The following GRM5 variants were observed in gnomAD, a reference collection of about 807,000 sequenced individuals.
GRM5 encodes the protein metabotropic glutamate receptor 5.
Under a neutral mutation model 83.1 loss-of-function variants are expected in GRM5, and 19 were observed. The observed-to-expected ratio is 0.23, with a 90% CI of 0.16 to 0.34. The LOEUF (loss-of-function observed/expected upper bound fraction) is 0.34. GRM5 is among the 10% of genes least tolerant of loss of function. The pLI is 1.00. For missense variants in GRM5, 1,160 were observed against 1,588.3 expected (o/e 0.73, Z 4.58); for synonymous variants, 675 against 633.6 (o/e 1.07, Z -0.98).
At chr11:89,003,687 T>C (rs1428526952) in intron 2 of GRM5, among the ~76,000 whole-genome samples, 1 of 152,162 alleles carries the variant, frequency 6.6e-6, no homozygotes, top group African/African-American at 2.4e-5. Flanking sequence ...CTTATTATTA[T>C]TATTTTGGAG....
intron 2 of GRM5, among the ~76,000 whole-genome samples, chr11:88,945,203 G>C (rs1352945855): frequency 6.6e-6 from 1 of 151,588 alleles, no homozygotes; most frequent in Admixed American, 6.6e-5. Context: ...GACCTCTACA[G>C]GGACAACTAC....
chr11:88,884,146 A>T (rs139070828), intron 2 of GRM5, among the ~76,000 whole-genome samples: 4 of 150,244 alleles, frequency 2.7e-5, no homozygotes, highest in African/African-American at 9.8e-5. Context: ...CAGATACTCA[A>T]TGCCAGCTCA....
At chr11:88,510,155 G>T (rs978621088) in intron 9 of GRM5, among the ~76,000 whole-genome samples, 17 of 152,246 alleles carry the variant, frequency 1.1e-4, no homozygotes, top group Non-Finnish European at 2.1e-4. Context: ...TCTAATGAGA[G>T]CTTCTTTACT....
intron 3 of GRM5, among the ~76,000 whole-genome samples, chr11:88,712,352 G>C (rs1044482693): frequency 1.3e-5 from 2 of 152,056 alleles, no homozygotes; most frequent in African/African-American, 4.8e-5. Context: ...GTAGGAGCAT[G>C]TTAGAGCCAA....
At chr11:88,572,577 A>C (rs1402411768) in intron 7 of GRM5, among the ~76,000 whole-genome samples, 1 of 152,170 alleles carries the variant, frequency 6.6e-6, no homozygotes, top group African/African-American at 2.4e-5. Context: ...GGGATATTAT[A>C]CTTTCTAACA....
At chr11:88,942,218 A>G (rs1196157249) in intron 2 of GRM5, among the ~76,000 whole-genome samples, 1 of 152,058 alleles carries the variant, frequency 6.6e-6, no homozygotes, top group African/African-American at 2.4e-5. Context: ...CATTCTGAAA[A>G]TATACACATT....
intron 4 of GRM5, among the ~76,000 whole-genome samples, chr11:88,648,293 C>T: frequency 6.7e-6 from 1 of 148,600 alleles, no homozygotes. Flanking sequence ...GAAAATGTGG[C>T]ACATATACAC....
intron 3 of GRM5, among the ~76,000 whole-genome samples, chr11:88,706,761 T>C (rs1208751188): frequency 6.6e-6 from 1 of 152,042 alleles, no homozygotes; most frequent in Non-Finnish European, 1.5e-5. Flanking sequence ...TTCTCCAAGA[T>C]ATGAATGCTT....
At chr11:88,687,205 C>T (rs1254413468) in intron 3 of GRM5, among the ~76,000 whole-genome samples, 3 of 151,500 alleles carry the variant, frequency 2.0e-5, no homozygotes, top group Non-Finnish European at 1.5e-5. Context: ...CCAGGAGCAG[C>T]GGCTCGCGCC....
intron 9 of GRM5, among the ~76,000 whole-genome samples, chr11:88,511,481 G>T (rs79956321): frequency 7.9e-5 from 12 of 151,924 alleles, no homozygotes; most frequent in Admixed American, 1.3e-4. Context: ...TTCTTTCTCC[G>T]CTCTTTCCTG....
chr11:89,042,701 G>T (rs1941561067), intron 2 of GRM5, among the ~76,000 whole-genome samples: 1 of 152,130 alleles, frequency 6.6e-6, no homozygotes, highest in African/African-American at 2.4e-5. Context: ...TAGTAGAAAT[G>T]CTGAGATGGG....
chr11:88,766,138 A>T (rs1024020565), intron 3 of GRM5, among the ~76,000 whole-genome samples: 1 of 151,954 alleles, frequency 6.6e-6, no homozygotes, highest in Admixed American at 6.6e-5. Flanking sequence ...GCCCAAAGCA[A>T]TTAGTAGATT....
chr11:88,766,338 G>A (rs998925709), intron 3 of GRM5, among the ~76,000 whole-genome samples: 12 of 151,926 alleles, frequency 7.9e-5, no homozygotes, highest in African/African-American at 2.7e-4. Flanking sequence ...AAAATGGCAC[G>A]GTACTGGTAC....
At chr11:88,538,139 C>T (rs1877057) in intron 8 of GRM5, among the ~76,000 whole-genome samples, 14,833 of 150,042 alleles carry the variant, frequency 0.099, 1,421 homozygotes, top group African/African-American at 0.25. Flanking sequence ...AAACCAACCA[C>T]GGGAGAATAG....
chr11:88,892,347 C>T (rs1465825836), intron 2 of GRM5, among the ~76,000 whole-genome samples: 1 of 151,902 alleles, frequency 6.6e-6, no homozygotes, highest in Non-Finnish European at 1.5e-5. Flanking sequence ...AATCTGTAGT[C>T]AGTAAAGAAT....
intron 2 of GRM5, among the ~76,000 whole-genome samples, chr11:88,861,128 A>G (rs990215907): frequency 1.3e-5 from 2 of 152,148 alleles, no homozygotes; most frequent in African/African-American, 4.8e-5. Context: ...TTACATTTCT[A>G]TTAGACAGTA....
At chr11:89,012,800 A>G in intron 2 of GRM5, among the ~76,000 whole-genome samples, 1 of 152,226 alleles carries the variant, frequency 6.6e-6, no homozygotes, top group East Asian at 1.9e-4. Flanking sequence ...GCAAGAAAGC[A>G]ATGCTAAAGA....
chr11:88,699,118 C>T (rs547542955), intron 3 of GRM5, among the ~76,000 whole-genome samples: 82 of 152,126 alleles, frequency 5.4e-4, no homozygotes, highest in African/African-American at 1.9e-3. Context: ...AAAAAAAAAC[C>T]GAGTTATTCT....
At chr11:88,619,910 C>T (rs999166510) in intron 4 of GRM5, among the ~76,000 whole-genome samples, 15 of 151,168 alleles carry the variant, frequency 9.9e-5, no homozygotes, top group African/African-American at 3.2e-4. Context: ...TATAACATTG[C>T]AATGAAAAAA....
Sources: gnomAD v4.1 joint callset for allele counts (sites outside exome capture counted in the v4.1 genomes callset) on GRCh38, gnomAD v4.1.1 for gene constraint, MANE v1.5 for transcripts, NCBI Gene and HGNC (gene_info 2026-07-23, HGNC 2026-07-21) for gene names.